The following DCDC1 variants were observed in gnomAD, a reference collection of about 807,000 sequenced individuals.
DCDC1 encodes doublecortin domain-containing protein 1.
In DCDC1, 200 loss-of-function variants were observed where a neutral mutation model predicts 178.3. The observed-to-expected ratio is 1.12, with a 90% CI of 1.00 to 1.26. The LOEUF (loss-of-function observed/expected upper bound fraction) is 1.26, where lower values mean the gene tolerates loss of function less well. DCDC1 is among the 50% of genes most tolerant of loss of function. The pLI is 0.00. For synonymous variants in DCDC1, 690 were observed against 604.8 expected (o/e 1.14, Z -2.07); for missense variants, 1,983 against 1,749.2 (o/e 1.13, Z -2.38).
chr11:30,954,039 T>C (rs1252833683), intron 20 of DCDC1, among the ~76,000 whole-genome samples: 3 of 127,002 alleles, frequency 2.4e-5, no homozygotes, highest in African/African-American at 9.4e-5. Context: ...TGAGACAGAG[T>C]CTCGCTCTGT....
chr11:31,159,865 AAGTGACACATATTT>A (rs1240258315), intron 9 of DCDC1, among the ~76,000 whole-genome samples: 2 of 152,204 alleles, frequency 1.3e-5, no homozygotes, highest in Non-Finnish European at 2.9e-5. Flanking sequence ...GTACCATTTG[AAGTGACACATATTT>A]AGTTCATTTC....
chr11:30,971,017 C>CCA (rs376043290), intron 20 of DCDC1, among the ~76,000 whole-genome samples: 2 of 152,022 alleles, frequency 1.3e-5, no homozygotes, highest in East Asian at 1.9e-4. Context: ...GCTGGTGCGC[C>CCA]CACACACACA....
intron 36 of DCDC1, among the ~76,000 whole-genome samples, chr11:30,891,804 A>T (rs966118692): frequency 2.6e-5 from 4 of 152,172 alleles, no homozygotes; most frequent in Admixed American, 2.0e-4. Flanking sequence ...TTGGTTGTCA[A>T]CTTCTGATAT....
At chr11:31,122,382 CTA>C (rs1458818722) in intron 11 of DCDC1, among the ~76,000 whole-genome samples, 1 of 152,034 alleles carries the variant, frequency 6.6e-6, no homozygotes, top group Non-Finnish European at 1.5e-5. Context: ...TCAGTCCTGC[CTA>C]TACAATAAAA....
At chr11:30,932,273 C>T (rs1338215214) in intron 21 of DCDC1, among the ~76,000 whole-genome samples, 1 of 152,044 alleles carries the variant, frequency 6.6e-6, no homozygotes, top group Non-Finnish European at 1.5e-5. Context: ...TATCTTTAAT[C>T]AGTGTGAAGA....
chr11:31,202,929 T>C (rs1339198230), intron 9 of DCDC1, among the ~76,000 whole-genome samples: 1 of 152,058 alleles, frequency 6.6e-6, no homozygotes. Context: ...TGGAGGGTGG[T>C]GGAAGGAAAT....
At chr11:30,968,917 C>G (rs1047389681) in intron 20 of DCDC1, among the ~76,000 whole-genome samples, 8 of 151,494 alleles carry the variant, frequency 5.3e-5, no homozygotes, top group Admixed American at 5.3e-4. Context: ...ACACAAATTC[C>G]TTTACTTCTA....
chr11:30,888,874 T>A (rs2134027997), intron 36 of DCDC1, among the ~76,000 whole-genome samples: 1 of 152,370 alleles, frequency 6.6e-6, no homozygotes, highest in Non-Finnish European at 1.5e-5. Flanking sequence ...AACACTGTTC[T>A]ATAATAATTG....
At chr11:31,070,105 C>A (rs1277739049) in intron 18 of DCDC1, among the ~76,000 whole-genome samples, 1 of 152,152 alleles carries the variant, frequency 6.6e-6, no homozygotes. Context: ...TGGAGTCATC[C>A]TAAACCATTC....
intron 9 of DCDC1, among the ~76,000 whole-genome samples, chr11:31,207,563 C>T (rs1482903099): frequency 6.6e-6 from 1 of 152,160 alleles, no homozygotes; most frequent in Non-Finnish European, 1.5e-5. Flanking sequence ...CCTGTTACAT[C>T]GGATGAACTG....
chr11:31,297,107 G>C (rs1947743784), intron 6 of DCDC1, among the ~76,000 whole-genome samples: 1 of 152,094 alleles, frequency 6.6e-6, no homozygotes, highest in Non-Finnish European at 1.5e-5. Context: ...TACATCCAGA[G>C]GCAAGAAGAA....
intron 20 of DCDC1, among the ~76,000 whole-genome samples, chr11:31,023,989 C>A (rs893375044): frequency 3.3e-5 from 5 of 151,746 alleles, no homozygotes; most frequent in African/African-American, 7.3e-5. Context: ...CAATATATAG[C>A]AAGAATTATA....
chr11:31,368,896 G>A (rs1320565259), intron 1 of DCDC1, among the ~76,000 whole-genome samples: 1 of 151,846 alleles, frequency 6.6e-6, no homozygotes, highest in African/African-American at 2.4e-5. Context: ...AGTAATAAAA[G>A]GAAACACAGG....
At chr11:30,922,899 G>A (rs1231232197) in intron 23 of DCDC1, among the ~76,000 whole-genome samples, 1 of 151,744 alleles carries the variant, frequency 6.6e-6, no homozygotes, top group Non-Finnish European at 1.5e-5. Context: ...GCAACATCCT[G>A]TGAATCTATA....
chr11:31,096,631 G>T (rs1443389159), intron 15 of DCDC1, among the ~76,000 whole-genome samples: 1 of 151,902 alleles, frequency 6.6e-6, no homozygotes, highest in Non-Finnish European at 1.5e-5. Context: ...TTGCTGGACA[G>T]TTCCCAAGTG....
At chr11:30,910,683 T>C (rs1416039622) in intron 28 of DCDC1, among the ~76,000 whole-genome samples, 2 of 151,854 alleles carry the variant, frequency 1.3e-5, no homozygotes, top group African/African-American at 2.4e-5. Flanking sequence ...CGTTTAAGAG[T>C]GGTTTTGGTT....
intron 8 of DCDC1, among the ~76,000 whole-genome samples, chr11:31,248,538 C>T (rs922190236): frequency 6.6e-6 from 1 of 151,982 alleles, no homozygotes; most frequent in African/African-American, 2.4e-5. Flanking sequence ...AACAAACATA[C>T]CTAATTCAGA....
chr11:30,984,566 A>G (rs541540604), intron 20 of DCDC1, among the ~76,000 whole-genome samples: 1 of 152,324 alleles, frequency 6.6e-6, no homozygotes, highest in African/African-American at 2.4e-5. Flanking sequence ...CTGTGATTGT[A>G]TCAGAAGCAA....
At chr11:31,245,888 T>C (rs1943523523) in intron 8 of DCDC1, among the ~76,000 whole-genome samples, 1 of 151,946 alleles carries the variant, frequency 6.6e-6, no homozygotes. Flanking sequence ...ATTAAAACTT[T>C]CATCACTGAT....
Sources: allele counts gnomAD v4.1 joint callset (sites outside exome capture counted in the v4.1 genomes callset), GRCh38; gene constraint gnomAD v4.1.1; transcripts MANE v1.5; gene names NCBI Gene and HGNC (gene_info 2026-07-23, HGNC 2026-07-21).